Variants in DLG2 observed in about 807,000 individuals in gnomAD.
DLG2 encodes the protein discs large MAGUK scaffold protein 2.
DLG2 carries 45 observed loss-of-function variants against 132.5 expected under a neutral mutation model. The ratio of observed to expected loss-of-function variants is 0.34; its 90% CI spans 0.27 to 0.44. The LOEUF (loss-of-function observed/expected upper bound fraction) is 0.44, where lower values mean the gene tolerates loss of function less well. DLG2 is among the 20% of genes least tolerant of loss of function. The pLI is 1.00. For missense variants in DLG2, 1,045 were observed against 1,196.9 expected (o/e 0.87, Z 1.87); for synonymous variants, 424 against 419.6 (o/e 1.01, Z -0.13).
At chr11:83,885,707 G>T (rs1191757387) in intron 15 of DLG2, among the ~76,000 whole-genome samples, 4 of 152,272 alleles carry the variant, frequency 2.6e-5, no homozygotes, top group African/African-American at 9.6e-5. Flanking sequence ...AGAAAGGTCG[G>T]GTTACCCACA....
intron 10 of DLG2, among the ~76,000 whole-genome samples, chr11:84,093,957 T>TTTTTTA (rs1384604133): frequency 5.3e-5 from 8 of 151,966 alleles, no homozygotes; most frequent in African/African-American, 1.9e-4. Context: ...TGGGTCTTTT[T>TTTTTTA]TTTTTTATTT....
chr11:84,856,985 T>C (rs749141835), intron 6 of DLG2, among the ~76,000 whole-genome samples: 1 of 151,724 alleles, frequency 6.6e-6, no homozygotes, highest in African/African-American at 2.4e-5. Flanking sequence ...ATCATTTCTA[T>C]AGGAGAGGAG....
intron 6 of DLG2, among the ~76,000 whole-genome samples, chr11:84,723,228 T>A (rs1023997583): frequency 8.5e-5 from 13 of 152,174 alleles, no homozygotes; most frequent in Non-Finnish European, 1.3e-4. Context: ...TCTAACACAG[T>A]CTTTCCCTGA....
At chr11:85,294,102 CAT>C (rs972221180) in intron 3 of DLG2, among the ~76,000 whole-genome samples, 1 of 151,670 alleles carries the variant, frequency 6.6e-6, no homozygotes, top group African/African-American at 2.4e-5. Flanking sequence ...AACTGATATG[CAT>C]ATATATGTAT....
At chr11:85,394,425 G>C (rs1413361326) in intron 3 of DLG2, among the ~76,000 whole-genome samples, 1 of 152,150 alleles carries the variant, frequency 6.6e-6, no homozygotes, top group Admixed American at 6.6e-5. Flanking sequence ...TAAAGCTTTG[G>C]AAGCTAAAGC....
chr11:84,639,348 G>GTTTTTTTT (rs550030032), intron 6 of DLG2, among the ~76,000 whole-genome samples: 3 of 126,812 alleles, frequency 2.4e-5, no homozygotes, highest in Non-Finnish European at 1.7e-5. Context: ...AGATATCTGT[G>GTTTTTTTT]TTTTTTTTTT....
At chr11:84,496,080 C>T (rs2099182660) in intron 7 of DLG2, among the ~76,000 whole-genome samples, 2 of 152,142 alleles carry the variant, frequency 1.3e-5, no homozygotes, top group Non-Finnish European at 2.9e-5. Flanking sequence ...CTGAACTGAG[C>T]AGCTGTGTGT....
intron 18 of DLG2, among the ~76,000 whole-genome samples, chr11:83,775,107 G>A (rs184883756): frequency 5.3e-5 from 8 of 152,100 alleles, no homozygotes; most frequent in South Asian, 4.2e-4. Flanking sequence ...CGCTACTGTC[G>A]GACTCCGTTC....
chr11:85,339,060 TC>T (rs1484066898), intron 3 of DLG2, among the ~76,000 whole-genome samples: 1 of 152,212 alleles, frequency 6.6e-6, no homozygotes, highest in Non-Finnish European at 1.5e-5. Context: ...TAAGCAGACA[TC>T]TGTGTATTTT....
chr11:84,506,162 G>A (rs1591115975), intron 7 of DLG2, among the ~76,000 whole-genome samples: 2 of 146,786 alleles, frequency 1.4e-5, no homozygotes, highest in African/African-American at 2.6e-5. Context: ...TGCAAGCTCC[G>A]CCTCCCGGGT....
intron 6 of DLG2, among the ~76,000 whole-genome samples, chr11:84,597,728 A>T (rs1466813770): frequency 1.3e-5 from 2 of 152,180 alleles, no homozygotes; most frequent in African/African-American, 2.4e-5. Context: ...GATTGCACTG[A>T]TATCATCTGA....
chr11:85,174,874 G>A (rs1245538087), intron 4 of DLG2, among the ~76,000 whole-genome samples: 1 of 152,046 alleles, frequency 6.6e-6, no homozygotes, highest in Non-Finnish European at 1.5e-5. Context: ...AGAAGAAATT[G>A]ATAAATTCCT....
At chr11:85,098,770 T>C (rs1284023761) in intron 6 of DLG2, among the ~76,000 whole-genome samples, 2 of 152,216 alleles carry the variant, frequency 1.3e-5, no homozygotes, top group Non-Finnish European at 2.9e-5. Flanking sequence ...CATAGGTTGA[T>C]AGGTTTAGCC....
intron 6 of DLG2, among the ~76,000 whole-genome samples, chr11:84,538,616 A>C (rs1378647563): frequency 6.6e-6 from 1 of 150,772 alleles, no homozygotes; most frequent in Admixed American, 6.6e-5. Flanking sequence ...TTTTTCTTGG[A>C]ACTGCCCTCC....
intron 3 of DLG2, among the ~76,000 whole-genome samples, chr11:85,345,318 C>T (rs1165757292): frequency 6.6e-6 from 1 of 152,038 alleles, no homozygotes; most frequent in African/African-American, 2.4e-5. Flanking sequence ...GCTTAATTCT[C>T]CAAAGGGAGA....
intron 4 of DLG2, among the ~76,000 whole-genome samples, chr11:85,262,476 A>G (rs1473715482): frequency 6.6e-6 from 1 of 152,180 alleles, no homozygotes; most frequent in Non-Finnish European, 1.5e-5. Flanking sequence ...CCGTACTTCC[A>G]CAAACAAGTT....
chr11:84,328,669 A>G (rs1378997706), intron 7 of DLG2, among the ~76,000 whole-genome samples: 1 of 152,220 alleles, frequency 6.6e-6, no homozygotes, highest in Non-Finnish European at 1.5e-5. Flanking sequence ...CTGGGTTAAA[A>G]ATAAACCAGA....
chr11:83,756,597 G>C (rs890015414), intron 18 of DLG2, among the ~76,000 whole-genome samples: 1 of 151,414 alleles, frequency 6.6e-6, no homozygotes, highest in Non-Finnish European at 1.5e-5. Context: ...TTCCTCATCT[G>C]AAAGAAGGAG....
chr11:85,045,316 G>A (rs1226931545), intron 6 of DLG2, among the ~76,000 whole-genome samples: 1 of 151,994 alleles, frequency 6.6e-6, no homozygotes, highest in Non-Finnish European at 1.5e-5. Context: ...AGTAATATAG[G>A]TAATATTTTG....
Sources: gnomAD v4.1 joint callset for allele counts (sites outside exome capture counted in the v4.1 genomes callset) on GRCh38, gnomAD v4.1.1 for gene constraint, MANE v1.5 for transcripts, NCBI Gene and HGNC (gene_info 2026-07-23, HGNC 2026-07-21) for gene names.